Variants in WDR19 observed in about 807,000 individuals in gnomAD.
WDR19 encodes the protein WD repeat-containing protein 19.
In WDR19, 121 loss-of-function variants were observed where a neutral mutation model predicts 180.0. The ratio of observed to expected loss-of-function variants is 0.67; its 90% confidence interval spans 0.58 to 0.78. The LOEUF (loss-of-function observed/expected upper bound fraction) is 0.78, where lower values mean the gene tolerates loss of function less well. WDR19 is among the 30% of genes least tolerant of loss of function. The probability of loss-of-function intolerance (pLI) is 0.00; values close to 1 mark genes in which losing one functional copy is unlikely to be tolerated. For synonymous variants in WDR19, 497 were observed against 540.7 expected, an observed-to-expected ratio of 0.92 and a Z score of 1.12; for missense variants, 1,450 against 1,640.7, an observed-to-expected ratio of 0.88 and a Z score of 2.01.
At chr4:39,200,895 TA>T (rs1209006897) in intron 6 of WDR19, among the ~76,000 whole-genome samples, 1 of 152,222 alleles carries the variant, frequency 6.6e-6, no homozygotes, top group African/African-American at 2.4e-5. Flanking sequence ...TTAATTGCCA[TA>T]TTTTGTGGTA....
At chr4:39,205,450 C>G in intron 8 of WDR19, 113 bp from the exon 9 acceptor site, 3 of 1,302,076 alleles carry the variant, frequency 2.3e-6, no homozygotes, top group Non-Finnish European at 3.1e-6. Context: ...CAAAGTAGGC[C>G]CTTGATAAAT....
rs545033762 is a variant in WDR19, at chr4:39,186,604, G to A, written c.164G>A (p.Gly55Asp). ...AAAAGAAGTGAAATTAACTTACCTG[G>A]GTAAGTACAGAAGTAGATTTAAAAA... is the stretch of plus-strand genomic sequence containing the variant. ...GQKRSEINLPGNCVAMDWDKD... is the reference protein window; with the variant it reads ...GQKRSEINLPDNCVAMDWDKD... Residue 55 changes from glycine (G) to aspartate (D), a missense_variant and splice_region_variant, in exon 3 of 37, where the codon GGT (glycine) becomes GAT (aspartate). Transcript: ENST00000399820. 2 of 1,568,532 alleles carry A rather than the reference G, an allele frequency of 1.3e-6. No homozygotes were observed. The highest frequency in any genetic ancestry group is 1.2e-5 in the South Asian group (1 of 81,118).
At chr4:39,268,199 G>C (rs1735001711) in intron 30 of WDR19, 108 bp downstream of exon 30, 1 of 902,892 alleles carries the variant, frequency 1.1e-6, no homozygotes, top group African/African-American at 1.7e-5. Context: ...ACATAGGCTT[G>C]CTTTGAACCC....
At chr4:39,270,318 G>A (rs1399520521) in intron 31 of WDR19, among the ~76,000 whole-genome samples, 1 of 152,218 alleles carries the variant, frequency 6.6e-6, no homozygotes, top group Non-Finnish European at 1.5e-5. Context: ...TGGGGACAGG[G>A]AGACGGGGAG....
rs533305946 is a variant in WDR19, at chr4:39,182,961, C to T, written c.6+398C>T. ...CTGGGTCCGATGTCACGAGCTACCT[C>T]ATTTCTTGGGGCTAAGCCTCTGGCA... is the stretch of plus-strand genomic sequence containing the variant. On this transcript the variant is annotated intron_variant, in intron 1 of 36. Coordinates refer to ENST00000399820, the MANE Select transcript of WDR19 (RefSeq NM_025132.4). Among the ~76,000 whole-genome samples the T allele has an allele frequency of 2.9e-4, 44 of 152,288 alleles. 1 individual carries two copies. The highest frequency in any genetic ancestry group is 1.0e-3 in the African/African-American group (42 of 41,568).
At chr4:39,258,098 T>G (rs926611867) in intron 28 of WDR19, among the ~76,000 whole-genome samples, 10 of 152,166 alleles carry the variant, frequency 6.6e-5, no homozygotes, top group African/African-American at 2.4e-4. Context: ...ATGTCCAGTT[T>G]CAGTCAGCAT....
At chr4:39,273,126 C>A in intron 32 of WDR19, 65 bp downstream of exon 32, 1 of 1,315,820 alleles carries the variant, frequency 7.6e-7, no homozygotes, top group Non-Finnish European at 1.0e-6. Context: ...TAGCCCAGCG[C>A]CCCTTTTGCA....
intron 9 of WDR19, among the ~76,000 whole-genome samples, chr4:39,211,326 A>G (rs1560496500): frequency 6.6e-6 from 1 of 152,226 alleles, no homozygotes; most frequent in Non-Finnish European, 1.5e-5. Context: ...CTAGCATTAG[A>G]AGTTCCAGCC....
intron 1 of WDR19, among the ~76,000 whole-genome samples, chr4:39,185,387 C>A (rs1483364067): frequency 1.3e-5 from 2 of 152,148 alleles, no homozygotes; most frequent in Non-Finnish European, 2.9e-5. Context: ...TAACTGAATT[C>A]AGGCTTCAAT....
rs947415947 is a variant in WDR19 at position 39,244,670 on chromosome 4, C to T, written c.2645+118C>T. 11 of 1,006,654 alleles carry T rather than the reference C, an allele frequency of 1.1e-5. No individual in the cohort carries two copies. The African/African-American group carries it at 1.1e-4, about 10-fold the overall frequency. 62.4% of individuals were successfully genotyped at this position (1,006,654 alleles called of 1,614,324 possible). A position where few individuals can be genotyped will look rare whatever the true frequency, so the allele number is the denominator to read the frequency against. On this transcript the variant is annotated intron_variant, in intron 23 of 36. Transcript: ENST00000399820. ...TGTCCATTCTGTTCCCCTATCTAGACCTACCCTTCATCTCTTTTGTTCTCC... is the reference window on the plus strand; with the variant it reads ...TGTCCATTCTGTTCCCCTATCTAGATCTACCCTTCATCTCTTTTGTTCTCC...
chr4:39,242,625 C>T (rs1257159862), intron 21 of WDR19, among the ~76,000 whole-genome samples: 1 of 152,062 alleles, frequency 6.6e-6, no homozygotes, highest in Admixed American at 6.6e-5. Context: ...GAGTTCAAGA[C>T]CAGCTGGACA....
At chr4:39,201,666 G>A (rs1228861248) in intron 6 of WDR19, among the ~76,000 whole-genome samples, 1 of 152,040 alleles carries the variant, frequency 6.6e-6, no homozygotes, top group Non-Finnish European at 1.5e-5. Context: ...GGTAAATATG[G>A]TATAAATGCT....
At chr4:39,198,937 G>T (rs964937737) in intron 5 of WDR19, among the ~76,000 whole-genome samples, 1 of 151,424 alleles carries the variant, frequency 6.6e-6, no homozygotes, top group Admixed American at 6.6e-5. Flanking sequence ...GGCAAAGGTT[G>T]CAATGAGCCA....
intron 19 of WDR19, among the ~76,000 whole-genome samples, chr4:39,232,899 T>C (rs1003807959): frequency 6.6e-6 from 1 of 152,194 alleles, no homozygotes; most frequent in African/African-American, 2.4e-5. Flanking sequence ...TTCTGCATTT[T>C]GTGGAGGTAT....
intron 26 of WDR19, 92 bp downstream of exon 26, chr4:39,254,122 C>T: frequency 7.8e-7 from 1 of 1,281,914 alleles, no homozygotes; most frequent in Non-Finnish European, 1.1e-6. Context: ...GGTATACATA[C>T]AAGAATGCGC....
intron 34 of WDR19, among the ~76,000 whole-genome samples, chr4:39,277,527 A>T (rs1736019163): frequency 6.6e-6 from 1 of 152,228 alleles, no homozygotes; most frequent in Admixed American, 6.5e-5. Context: ...AGTATCAGAG[A>T]ACTTTAACAT....
In WDR19 at chr4:39,220,560, A is replaced by ATTTTT. The variant is rs142037096; in HGVS notation, c.1479+2475_1479+2479dup. Reference sequence around the variant, plus strand: ...TTTTTTTTAGAAACAGACCTCCTTGATTTTTTTTTTTTTTTTTTTTTTTTG... The same window carrying ATTTTT: ...TTTTTTTTAGAAACAGACCTCCTTGATTTTTTTTTTTTTTTTTTTTTTTTTTTTTG... On this transcript the variant is annotated intron_variant, in intron 14 of 36. Transcript: ENST00000399820. 2.1e-3 allele frequency among the ~76,000 whole-genome samples: 133 copies of ATTTTT among 64,380 alleles called. 17 individuals carry two copies. Among genetic ancestry groups the ATTTTT allele is most frequent in the African/African-American group, 4.2e-3 (58 of 13,782 alleles). 42.2% of individuals were successfully genotyped at this position (64,380 alleles called of 152,430 possible). A position where few individuals can be genotyped will look rare whatever the true frequency, so the allele number is the denominator to read the frequency against.
intron 29 of WDR19, among the ~76,000 whole-genome samples, chr4:39,267,165 C>CA (rs1290890461): frequency 6.6e-6 from 1 of 152,202 alleles, no homozygotes; most frequent in Non-Finnish European, 1.5e-5. Context: ...GAACGTCCAT[C>CA]TTCTCCCAGT....
At chr4:39,253,115 A>G in intron 24 of WDR19, 31 bp from the exon 25 acceptor site, 3 of 1,546,986 alleles carry the variant, frequency 1.9e-6, no homozygotes, top group Non-Finnish European at 2.6e-6. Flanking sequence ...GACAGTGTTA[A>G]AAAAAGTTTA....
Sources: gnomAD v4.1 joint callset for allele counts (sites outside exome capture counted in the v4.1 genomes callset) on GRCh38, gnomAD v4.1.1 for gene constraint, MANE v1.5 for transcripts, NCBI Gene and HGNC (gene_info 2026-07-23, HGNC 2026-07-21) for gene names.